Variants in SYNE2 observed in about 807,000 individuals in gnomAD.
SYNE2 encodes the protein nesprin-2.
A neutral mutation model predicts 856.3 loss-of-function variants in SYNE2; 431 were observed. The observed-to-expected ratio is 0.50, with a 90% CI of 0.47 to 0.55. The LOEUF (loss-of-function observed/expected upper bound fraction) is 0.55. Among genes scored for constraint, SYNE2 ranks in the 20% least tolerant of loss-of-function variants. SYNE2 has a pLI of 0.00. For missense variants in SYNE2, 8,129 were observed against 8,023.2 expected (o/e 1.01, Z -0.50); for synonymous variants, 2,923 against 2,872.3 (o/e 1.02, Z -0.56).
intron 50 of SYNE2, among the ~76,000 whole-genome samples, chr14:64,063,566 A>G (rs546944361): frequency 1.3e-5 from 2 of 152,332 alleles, no homozygotes; most frequent in East Asian, 3.9e-4. Flanking sequence ...CAACTGTCAT[A>G]AGCTCTGAAT....
Position 64,129,894 on chromosome 14 carries a change from A to T in SYNE2, c.14132A>T (p.Lys4711Ile). Residue 4711 changes from lysine to isoleucine, a missense_variant, in exon 75 of 116, where the codon AAA (lysine) becomes ATA (isoleucine). By Grantham distance (102) the Lys-to-Ile change is moderately radical. This residue lies in a region of SYNE2 where 5,410 missense variants were observed against 5,284.8 expected (regional missense o/e 1.02). Coordinates refer to ENST00000555002, the MANE Select transcript of SYNE2 (RefSeq NM_182914.3). ...LPYALLQEVY[K>I]LEDVLDSMWG... Reference sequence around the variant, plus strand: ...TATGCTTTACTCCAGGAGGTTTACAAATTAGAGGTATGCCTGAGCAGAAAA... The same window carrying T: ...TATGCTTTACTCCAGGAGGTTTACATATTAGAGGTATGCCTGAGCAGAAAA... 1.2e-6 allele frequency: 2 copies of T among 1,614,130 alleles called. No homozygotes were observed. The highest frequency in any genetic ancestry group is 1.7e-6 in the Non-Finnish European group (2 of 1,180,020).
At chr14:64,209,384 G>A (rs1276533662) in intron 101 of SYNE2, 44 bp from the exon 102 acceptor site, 27 of 1,614,146 alleles carry the variant, frequency 1.7e-5, no homozygotes, top group Non-Finnish European at 2.3e-5. Flanking sequence ...AAAAGCACAG[G>A]CTTGGAGGGG....
At chr14:64,141,815 T>C in intron 81 of SYNE2, 127 bp from the exon 82 acceptor site, 1 of 1,304,354 alleles carries the variant, frequency 7.7e-7, no homozygotes, top group Non-Finnish European at 1.1e-6. Flanking sequence ...TGGGTTTGTT[T>C]TTTTTTTGAG....
chr14:63,811,741 C>T (rs981668074), intron 1 of SYNE2, among the ~76,000 whole-genome samples: 2 of 152,042 alleles, frequency 1.3e-5, no homozygotes, highest in African/African-American at 4.8e-5. Flanking sequence ...CCGGGGGTGA[C>T]ATCACATATC....
chr14:64,010,090 G>GCTT lies in SYNE2; in HGVS notation c.4702_4703insCTT (p.Glu1568delinsAlaTer). The GCTT allele has an allele frequency of 5.0e-6, 8 of 1,613,494 alleles. No individual in the cohort carries two copies. Among genetic ancestry groups the GCTT allele is most frequent in the Non-Finnish European group, 6.8e-6 (8 of 1,179,682 alleles). On this transcript the variant is annotated stop_gained and protein_altering_variant, in exon 32 of 116. Coordinates refer to ENST00000555002, the MANE Select transcript of SYNE2 (RefSeq NM_182914.3). LOFTEE classifies it high-confidence loss of function. ...CCTGCAGGCTTCGTACATGGGAAAG[G>GCTT]AGAACCTGAAGAAAAGGATAGCAGA...
chr14:63,980,175 A>G (rs1300322377), intron 14 of SYNE2, among the ~76,000 whole-genome samples: 1 of 152,188 alleles, frequency 6.6e-6, no homozygotes, highest in Non-Finnish European at 1.5e-5. Flanking sequence ...GAATTAGCTT[A>G]GTATTTTTTC....
Position 64,125,199 on chromosome 14 carries a change from C to T in SYNE2, c.13543C>T (p.Leu4515Phe), listed in dbSNP as rs1245604335. 1 of 1,613,992 alleles carries T rather than the reference C, an allele frequency of 6.2e-7. No individual in the cohort carries two copies. The highest frequency in any genetic ancestry group is 8.5e-7 in the Non-Finnish European group (1 of 1,180,014). Residue 4515 changes from leucine to phenylalanine, a missense_variant, in exon 71 of 116, where the codon CTT (leucine) becomes TTT (phenylalanine). Around this residue, in one of 3 missense-constraint regions of SYNE2, gnomAD observed 5,410 missense variants for 5,284.8 expected, o/e 1.02. Transcript: ENST00000555002. The part of the protein sequence containing the change: ...LEDLRQEASN[L>F]QTQENMTEEA... ...AGACCTGCGCCAAGAAGCAAGTAACCTTCAGACACAGGTAGAAGCTGCACA... is the reference window on the plus strand; with the variant it reads ...AGACCTGCGCCAAGAAGCAAGTAACTTTCAGACACAGGTAGAAGCTGCACA...
intron 1 of SYNE2, among the ~76,000 whole-genome samples, chr14:63,782,467 C>CAAAAAAAAA (rs35413633): frequency 4.0e-5 from 2 of 49,626 alleles, no homozygotes; most frequent in Non-Finnish European, 7.0e-5. Context: ...AACTCCATCT[C>CAAAAAAAAA]AAAAAAAAAA....
chr14:63,988,254 T>C (rs1038901036), intron 19 of SYNE2, among the ~76,000 whole-genome samples: 1 of 152,174 alleles, frequency 6.6e-6, no homozygotes, highest in African/African-American at 2.4e-5. Flanking sequence ...ATTCTTATAT[T>C]TTTAGTAGAG....
Position 64,051,696 on chromosome 14 carries a change from T to C in SYNE2, c.7783T>C (p.Leu2595=). 4.3e-6 allele frequency: 7 copies of C among 1,614,142 alleles called. No homozygotes were observed. The highest frequency in any genetic ancestry group is 5.9e-6 in the Non-Finnish European group (7 of 1,180,032). Residue 2595 remains leucine (L), a synonymous_variant, in exon 48 of 116, where the codon TTG becomes CTG. Coordinates refer to ENST00000555002, the MANE Select transcript of SYNE2 (RefSeq NM_182914.3). ...SNHVTDMDKK[L]LESQIKQLEH... Reference sequence around the variant, plus strand: ...CCACGTGACTGACATGGATAAGAAATTGTTGGAAAGCCAGATTAAGCAACT... The same window carrying C: ...CCACGTGACTGACATGGATAAGAAACTGTTGGAAAGCCAGATTAAGCAACT...
rs1370341846 is a variant in SYNE2, at chr14:63,984,699, A to G, written c.2151+813A>G. 2.0e-5 allele frequency among the ~76,000 whole-genome samples: 3 copies of G among 152,234 alleles called. No individual in the cohort carries two copies. In the East Asian group the frequency reaches 5.8e-4, roughly 29 times the overall value. On this transcript the variant is annotated intron_variant, in intron 18 of 115. Transcript: ENST00000555002. ...ATGGCTTTGGAAATGCTCCACCTTC[A>G]TGATAACTTACACAGCTTTACTTAA...
intron 6 of SYNE2, among the ~76,000 whole-genome samples, chr14:63,948,863 T>C (rs2096099111): frequency 6.8e-6 from 1 of 146,794 alleles, no homozygotes; most frequent in Admixed American, 6.9e-5. Flanking sequence ...TTGTCTGTTA[T>C]ATCTTTGCTG....
intron 112 of SYNE2, among the ~76,000 whole-genome samples, chr14:64,222,292 C>G (rs543742684): frequency 1.3e-5 from 2 of 152,314 alleles, no homozygotes; most frequent in Admixed American, 6.5e-5. Context: ...AAAGCAGTGG[C>G]GTCCAGTAGA....
chr14:63,937,057 G>T (rs1184750598), intron 2 of SYNE2, among the ~76,000 whole-genome samples: 1 of 152,190 alleles, frequency 6.6e-6, no homozygotes, highest in Non-Finnish European at 1.5e-5. Context: ...AGATGCTGCT[G>T]ATGGGTCCAG....
chr14:64,149,198 G>A (rs977430450), intron 84 of SYNE2, among the ~76,000 whole-genome samples: 2 of 151,672 alleles, frequency 1.3e-5, no homozygotes, highest in African/African-American at 4.8e-5. Context: ...CTAGCTACTC[G>A]GGAGCTGAGG....
intron 80 of SYNE2, 118 bp from the exon 81 acceptor site, chr14:64,141,223 T>C (rs1023191655): frequency 7.5e-5 from 57 of 761,482 alleles, no homozygotes; most frequent in Middle Eastern, 7.4e-4. Context: ...TGTGTGTGTG[T>C]GTGTATACAC....
Position 64,132,449 on chromosome 14 carries a change from T to A in SYNE2, c.14514+11T>A. ...CAGAGTTTGTTGCAGGTATTTGGGT[T>A]ATGTAAACGTTGTACTGAAGCTGGG... On this transcript the variant is annotated intron_variant, in intron 77 of 115. Coordinates refer to ENST00000555002, the MANE Select transcript of SYNE2 (RefSeq NM_182914.3). 6.2e-7 allele frequency: 1 copy of A among 1,614,158 alleles called. No individual in the cohort carries two copies. Among genetic ancestry groups the A allele is most frequent in the Non-Finnish European group, 8.5e-7 (1 of 1,179,998 alleles).
intron 1 of SYNE2, among the ~76,000 whole-genome samples, chr14:63,887,656 T>G (rs569752716): frequency 7.0e-4 from 106 of 151,370 alleles, no homozygotes; most frequent in African/African-American, 2.3e-3. Context: ...AAGGAACTGG[T>G]TTTTTTTCCC....
At chr14:64,063,827 T>G (rs11625888) in intron 50 of SYNE2, among the ~76,000 whole-genome samples, 4,505 of 152,184 alleles carry the variant, frequency 0.03, 102 homozygotes, top group Admixed American at 0.064. Flanking sequence ...TGTACAGTAG[T>G]CCCCCTTTAT....
Sources: gnomAD v4.1 joint callset for allele counts (sites outside exome capture counted in the v4.1 genomes callset) on GRCh38, gnomAD v4.1.1 for gene constraint, gnomAD v4.1.1 regional missense constraint, MANE v1.5 for transcripts, NCBI Gene and HGNC (gene_info 2026-07-23, HGNC 2026-07-21) for gene names.